Variants in ARSL observed in about 807,000 individuals in gnomAD.
ARSL encodes arylsulfatase L.
ARSL carries 4 observed loss-of-function variants against 31.1 expected under a neutral mutation model. The observed-to-expected ratio is 0.13, with a 90% CI of 0.06 to 0.29. The LOEUF (loss-of-function observed/expected upper bound fraction) is 0.29, where lower values mean the gene tolerates loss of function less well. Among genes scored for constraint, ARSL ranks in the 10% least tolerant of loss-of-function variants. The probability of loss-of-function intolerance (pLI) is 1.00; values close to 1 mark genes in which losing one functional copy is unlikely to be tolerated. For missense variants in ARSL, 312 were observed against 497.8 expected, an observed-to-expected ratio of 0.63 and a Z score of 3.55; for synonymous variants, 198 against 209.9, an observed-to-expected ratio of 0.94 and a Z score of 0.49.
intron 2 of ARSL, 122 bp downstream of exon 2, chrX:2,960,253 AGTG>A (rs2089601328): frequency 3.3e-6 from 1 of 299,711 alleles, no homozygotes; most frequent in African/African-American, 4.3e-5. Flanking sequence ...TGGGCGACAG[AGTG>A]AGACTCCGTC....
intron 7 of ARSL, among the ~76,000 whole-genome samples, chrX:2,944,463 AC>A (rs1207361638): frequency 0.056 from 3,186 of 56,752 alleles, 139 homozygotes; most frequent in African/African-American, 0.13. Context: ...CAAAAAAAAA[AC>A]AAAAAAAACA....
rs2089374279 is a variant in ARSL, at chrX:2,946,041, G to A, written c.948C>T (p.His316=). ...CCTCTACGTTGTCCCCATACAGCCC[G>A]TGGAGACTCTTCCCGAGGAAGTTCT... ...TMENFLGKSL[H]GLYGDNVEEM... is the part of the protein sequence containing the mutation. Residue 316 remains histidine (H), a synonymous_variant, in exon 7 of 11, where the codon CAC becomes CAT. Transcript: ENST00000381134. 2.7e-5 allele frequency: 33 copies of A among 1,210,758 alleles called. No homozygotes were observed. The highest frequency in any genetic ancestry group is 2.3e-4 in the Middle Eastern group (1 of 4,352).
chrX:2,953,671 G>C (rs2089489973), intron 4 of ARSL, among the ~76,000 whole-genome samples: 1 of 111,535 alleles, frequency 9.0e-6, no homozygotes, highest in South Asian at 3.8e-4. Flanking sequence ...TCCCACCTCA[G>C]CTACCTGAGT....
chrX:2,964,078 G>C, intron 1 of ARSL, 146 bp downstream of exon 1: 1 of 631,859 alleles, frequency 1.6e-6, no homozygotes, highest in Non-Finnish European at 1.9e-6. Context: ...AGGCCTGTAA[G>C]TCACGGGTAC....
upstream of ARSL, chrX:2,964,373 A>G: frequency 4.0e-6 from 3 of 754,128 alleles, no homozygotes; most frequent in Non-Finnish European, 4.7e-6. Flanking sequence ...TCAGAAGATC[A>G]GAGAGAGTTA....
At chrX:2,964,188 C>T in intron 1 of ARSL, 36 bp downstream of exon 1, 1 of 754,046 alleles carries the variant, frequency 1.3e-6, no homozygotes, top group African/African-American at 2.3e-5. Flanking sequence ...GTCACGGAGC[C>T]CAAATCCAGC....
At chrX:2,952,946 C>G in intron 5 of ARSL, 197 bp downstream of exon 5, 5 of 396,869 alleles carry the variant, frequency 1.3e-5, no homozygotes, top group Non-Finnish European at 2.1e-5. Context: ...CATGAGCCAC[C>G]TTGCCTGAGC....
At chrX:2,968,233 A>G (rs529465312), upstream of ARSL, 24 of 1,089,491 alleles carry the variant, frequency 2.2e-5, no homozygotes, top group African/African-American at 4.3e-4. Flanking sequence ...TCCTGCCAAA[A>G]CAGACACGCA....
chrX:2,964,439 G>T (rs2089680606), upstream of ARSL: 1 of 750,396 alleles, frequency 1.3e-6, no homozygotes, highest in Non-Finnish European at 1.6e-6. Context: ...TCAAAGCCAC[G>T]CCCACGTCTA....
intron 3 of ARSL, among the ~76,000 whole-genome samples, chrX:2,957,023 C>A (rs1390713140): frequency 1.9e-5 from 2 of 105,582 alleles, no homozygotes; most frequent in Non-Finnish European, 3.9e-5. Flanking sequence ...AGATTGAGAC[C>A]ATCCTGGCTA....
intron 4 of ARSL, among the ~76,000 whole-genome samples, chrX:2,953,827 T>G (rs2089491868): frequency 9.0e-6 from 1 of 111,043 alleles, no homozygotes; most frequent in African/African-American, 3.3e-5. Context: ...CAACTGATCC[T>G]CCCACTTCAG....
chrX:2,946,963 T>C (rs911529936), intron 6 of ARSL, among the ~76,000 whole-genome samples: 74 of 111,100 alleles, frequency 6.7e-4, no homozygotes, highest in Non-Finnish European at 4.3e-4. Context: ...GCAGGAGCAT[T>C]GCTTCAGCCT....
At chrX:2,955,641 T>G (rs772985259) in intron 3 of ARSL, 104 bp from the exon 4 acceptor site, 1 of 941,000 alleles carries the variant, frequency 1.1e-6, no homozygotes, top group Non-Finnish European at 1.5e-6. Flanking sequence ...CATCGCTGAG[T>G]GCTTCAAGAT....
intron 5 of ARSL, among the ~76,000 whole-genome samples, chrX:2,952,267 C>T (rs771557597): frequency 1.3e-4 from 14 of 110,857 alleles, no homozygotes; most frequent in African/African-American, 4.6e-4. Context: ...TTTTTTTTAT[C>T]ATGGCCTACG....
At chrX:2,945,005 TAAGAAGAAG>T (rs368635699) in intron 7 of ARSL, among the ~76,000 whole-genome samples, 2 of 95,283 alleles carry the variant, frequency 2.1e-5, no homozygotes, top group Admixed American at 2.4e-4. Context: ...AGAAGAAGAA[TAAGAAGAAG>T]AAGAAGAAGA....
rs567804494 is a variant in ARSL, at chrX:2,960,489, A to C, written c.-20-69T>G. 1.7e-4 allele frequency: 180 copies of C among 1,069,204 alleles called. No homozygotes were observed. The South Asian group carries it at 3.4e-3, about 20-fold the overall frequency. The allele number at this position is 1,069,204 out of a possible 1,213,427, so 88.1% of individuals were successfully genotyped here. A position where few individuals can be genotyped will look rare whatever the true frequency, so the allele number is the denominator to read the frequency against. ...TTGACCTGATTATAAATAAAACAGTAAGTAAGTAATTAGGGGAACTTTGAT... is the reference window on the plus strand; with the variant it reads ...TTGACCTGATTATAAATAAAACAGTCAGTAAGTAATTAGGGGAACTTTGAT... On this transcript the variant is annotated intron_variant, in intron 1 of 10. Transcript: ENST00000381134.
At chrX:2,941,619 C>A (rs756225811) in intron 8 of ARSL, among the ~76,000 whole-genome samples, 88 of 112,092 alleles carry the variant, frequency 7.9e-4, no homozygotes, top group African/African-American at 2.8e-3. Flanking sequence ...AGAGAAACAA[C>A]GAATTGTCAA....
Position 2,964,204 on chromosome X carries a change from T to C in ARSL, c.-21+20A>G, listed in dbSNP as rs1284537358. ...TCACGGAGCCCAAATCCAGCACAAA[T>C]GAACATTCACAGGACTCACCTCTGC... On this transcript the variant is annotated intron_variant, in intron 1 of 10. Coordinates refer to ENST00000381134, the MANE Select transcript of ARSL (RefSeq NM_000047.3). 5.3e-6 allele frequency: 4 copies of C among 754,170 alleles called. No individual in the cohort carries two copies. The highest frequency in any genetic ancestry group is 1.5e-4 in the East Asian group (1 of 6,598). The allele number at this position is 754,170 out of a possible 1,213,427, so 62.2% of individuals were successfully genotyped here. A position where few individuals can be genotyped will look rare whatever the true frequency, so the allele number is the denominator to read the frequency against.
chrX:2,938,632 C>A (rs760937506), intron 8 of ARSL, among the ~76,000 whole-genome samples: 1 of 104,448 alleles, frequency 9.6e-6, no homozygotes, highest in South Asian at 4.4e-4. Flanking sequence ...AACCCCCAGG[C>A]GCTGGGAGCA....
Sources: gnomAD v4.1 joint callset for allele counts (sites outside exome capture counted in the v4.1 genomes callset) on GRCh38, gnomAD v4.1.1 for gene constraint, MANE v1.5 for transcripts, NCBI Gene and HGNC (gene_info 2026-07-23, HGNC 2026-07-21) for gene names.